The following GPC6 variants were observed in gnomAD, a reference collection of about 807,000 sequenced individuals.
GPC6 encodes the protein glypican 6, also known as glypican-6.
In GPC6, 14 loss-of-function variants were observed where a neutral mutation model predicts 55.2. The observed-to-expected ratio is 0.25, with a 90% confidence interval of 0.17 to 0.40. The LOEUF (loss-of-function observed/expected upper bound fraction) is 0.40. GPC6 is among the 10% of genes least tolerant of loss of function. The probability of loss-of-function intolerance (pLI) is 1.00; values close to 1 mark genes in which losing one functional copy is unlikely to be tolerated. For missense variants in GPC6, 641 were observed against 708.5 expected, an observed-to-expected ratio of 0.90 and a Z score of 1.08; for synonymous variants, 278 against 259.6, an observed-to-expected ratio of 1.07 and a Z score of -0.68.
chr13:93,528,937 G>A (rs1881758320), intron 1 of GPC6, among the ~76,000 whole-genome samples: 1 of 151,978 alleles, frequency 6.6e-6, no homozygotes, highest in Non-Finnish European at 1.5e-5. Flanking sequence ...ATGAGCATAG[G>A]CTATTTATGG....
At chr13:93,405,704 G>A (rs949278231) in intron 1 of GPC6, among the ~76,000 whole-genome samples, 4 of 152,040 alleles carry the variant, frequency 2.6e-5, no homozygotes, top group Admixed American at 1.3e-4. Flanking sequence ...AGGAGACAAT[G>A]ACCAGGGTAA....
chr13:93,840,993 G>C (rs1029014678), intron 3 of GPC6, among the ~76,000 whole-genome samples: 1 of 152,140 alleles, frequency 6.6e-6, no homozygotes, highest in Non-Finnish European at 1.5e-5. Context: ...CTTCCTATGA[G>C]AGGGTTCTGT....
chr13:93,991,819 A>G (rs1309067674), intron 3 of GPC6, among the ~76,000 whole-genome samples: 1 of 152,194 alleles, frequency 6.6e-6, no homozygotes, highest in Non-Finnish European at 1.5e-5. Context: ...TGGATGTCTT[A>G]GTATGTGTAA....
At chr13:94,108,959 G>T (rs1594742459) in intron 4 of GPC6, among the ~76,000 whole-genome samples, 1 of 152,030 alleles carries the variant, frequency 6.6e-6, no homozygotes, top group African/African-American at 2.4e-5. Context: ...CTTACCACCT[G>T]TTATTCTTCA....
At chr13:94,330,396 ACTGATGCCTGGGCCT>A (rs1877349706) in intron 6 of GPC6, among the ~76,000 whole-genome samples, 1 of 152,196 alleles carries the variant, frequency 6.6e-6, no homozygotes, top group African/African-American at 2.4e-5. Context: ...AACATTAAAT[ACTGATGCCTGGGCCT>A]CGTATTTAGA....
intron 4 of GPC6, among the ~76,000 whole-genome samples, chr13:94,200,246 G>A (rs1889709708): frequency 1.3e-5 from 2 of 151,932 alleles, no homozygotes; most frequent in South Asian, 4.2e-4. Flanking sequence ...GTCATGGAGA[G>A]CTAAAGCGTT....
At chr13:94,168,513 C>A (rs1281947638) in intron 4 of GPC6, among the ~76,000 whole-genome samples, 2 of 152,052 alleles carry the variant, frequency 1.3e-5, no homozygotes, top group Non-Finnish European at 2.9e-5. Flanking sequence ...ATATTCTGGA[C>A]CTACCTAATA....
chr13:93,745,267 T>C (rs1365471718), intron 2 of GPC6, among the ~76,000 whole-genome samples: 1 of 152,170 alleles, frequency 6.6e-6, no homozygotes, highest in African/African-American at 2.4e-5. Context: ...GCTCTTTATA[T>C]TCCAGATGTT....
chr13:93,284,413 AAT>A (rs1878045166), intron 1 of GPC6, among the ~76,000 whole-genome samples: 1 of 152,214 alleles, frequency 6.6e-6, no homozygotes, highest in Non-Finnish European at 1.5e-5. Context: ...GAGAATATTT[AAT>A]AGTTTTATCA....
intron 2 of GPC6, among the ~76,000 whole-genome samples, chr13:93,811,600 T>C (rs573137813): frequency 5.4e-4 from 82 of 151,630 alleles, no homozygotes; most frequent in African/African-American, 1.7e-3. Flanking sequence ...TTTTTTTTTT[T>C]CCCCCTAACA....
At chr13:93,698,722 A>C (rs944955303) in intron 2 of GPC6, among the ~76,000 whole-genome samples, 4 of 151,302 alleles carry the variant, frequency 2.6e-5, no homozygotes, top group Admixed American at 2.0e-4. Context: ...TTACTTACTC[A>C]CTTACCGATG....
chr13:94,280,514 G>A (rs535664026), intron 4 of GPC6, among the ~76,000 whole-genome samples: 2 of 152,280 alleles, frequency 1.3e-5, no homozygotes, highest in Admixed American at 1.3e-4. Context: ...CAGCGTGCCT[G>A]TCTCCAGCAC....
chr13:94,015,577 A>T (rs187082607), intron 3 of GPC6, among the ~76,000 whole-genome samples: 1 of 152,110 alleles, frequency 6.6e-6, no homozygotes. Context: ...CTAAGAATTC[A>T]TTCTTAAATC....
chr13:93,490,802 G>A (rs933707827), intron 1 of GPC6, among the ~76,000 whole-genome samples: 3 of 111,698 alleles, frequency 2.7e-5, no homozygotes, highest in African/African-American at 9.9e-5. Context: ...AGTTTACTGA[G>A]AATGATGGTT....
At chr13:93,434,594 T>C (rs566572961) in intron 1 of GPC6, among the ~76,000 whole-genome samples, 1 of 152,354 alleles carries the variant, frequency 6.6e-6, no homozygotes, top group African/African-American at 2.4e-5. Flanking sequence ...AGCTTGATTC[T>C]CTTAATATCT....
At chr13:94,084,644 A>G (rs1191275916) in intron 4 of GPC6, among the ~76,000 whole-genome samples, 1 of 151,852 alleles carries the variant, frequency 6.6e-6, no homozygotes, top group Admixed American at 6.6e-5. Context: ...GCGTGTCCTG[A>G]GTTGAAAGGG....
At chr13:93,676,168 T>TATATACAC (rs1439832316) in intron 2 of GPC6, among the ~76,000 whole-genome samples, 1 of 39,454 alleles carries the variant, frequency 2.5e-5, no homozygotes, top group African/African-American at 8.7e-5. Context: ...TATATATATA[T>TATATACAC]ACATACACAC....
chr13:93,523,239 G>A (rs1340750548), intron 1 of GPC6, among the ~76,000 whole-genome samples: 5 of 147,832 alleles, frequency 3.4e-5, no homozygotes, highest in Non-Finnish European at 3.0e-5. Flanking sequence ...ATACACATAT[G>A]TACATATACA....
intron 2 of GPC6, among the ~76,000 whole-genome samples, chr13:93,753,719 C>CTT (rs1458967834): frequency 6.6e-6 from 1 of 152,080 alleles, no homozygotes; most frequent in African/African-American, 2.4e-5. Context: ...TTCCCCCAAC[C>CTT]CCTCCACCAA....
Sources: allele counts gnomAD v4.1 joint callset (sites outside exome capture counted in the v4.1 genomes callset), GRCh38; gene constraint gnomAD v4.1.1; transcripts MANE v1.5; gene names NCBI Gene and HGNC (gene_info 2026-07-23, HGNC 2026-07-21).